Variants in STK17A observed in about 807,000 individuals in gnomAD.
The protein encoded by STK17A is serine/threonine-protein kinase 17A.
Under a neutral mutation model 43.7 loss-of-function variants are expected in STK17A, and 26 were observed. That is an observed-to-expected ratio of 0.60 (90% confidence interval 0.44 to 0.83). The LOEUF (loss-of-function observed/expected upper bound fraction) is 0.83, where lower values mean the gene tolerates loss of function less well. Ranked by LOEUF, STK17A falls within the 40% of genes least tolerant of loss-of-function variation. STK17A has a pLI of 0.00. For synonymous variants in STK17A, 191 were observed against 182.5 expected (o/e 1.05, Z -0.38); for missense variants, 476 against 511.6 (o/e 0.93, Z 0.67).
intron 2 of STK17A, among the ~76,000 whole-genome samples, chr7:43,596,369 A>G (rs2082515809): frequency 6.6e-6 from 1 of 152,262 alleles, no homozygotes; most frequent in South Asian, 2.1e-4. Context: ...CAATTTTATT[A>G]GAGGCATTCT....
intron 2 of STK17A, among the ~76,000 whole-genome samples, chr7:43,598,322 T>G (rs2082533244): frequency 6.6e-6 from 1 of 151,910 alleles, no homozygotes; most frequent in Non-Finnish European, 1.5e-5. Flanking sequence ...TACAAAAAAT[T>G]AGCTGGACAT....
intron 3 of STK17A, among the ~76,000 whole-genome samples, chr7:43,615,457 G>A (rs565422809): frequency 6.6e-5 from 10 of 152,182 alleles, no homozygotes; most frequent in Non-Finnish European, 1.3e-4. Flanking sequence ...AATTACAGAT[G>A]TGAGCCACTG....
At chr7:43,586,178 ATT>A (rs143487738) in intron 1 of STK17A, among the ~76,000 whole-genome samples, 1 of 150,078 alleles carries the variant, frequency 6.7e-6, no homozygotes, top group Admixed American at 6.6e-5. Flanking sequence ...AGAAAAACAG[ATT>A]TTTTTTTTCA....
At chr7:43,590,925 T>C (rs578154383) in intron 1 of STK17A, among the ~76,000 whole-genome samples, 2 of 151,692 alleles carry the variant, frequency 1.3e-5, no homozygotes, top group South Asian at 4.1e-4. Context: ...ATTCTGAGCA[T>C]ATACACTGGG....
At chr7:43,617,210 A>G (rs905308331) in intron 3 of STK17A, among the ~76,000 whole-genome samples, 11 of 152,142 alleles carry the variant, frequency 7.2e-5, no homozygotes, top group Non-Finnish European at 1.3e-4. Flanking sequence ...GGACATGCAC[A>G]CCATGCGAAG....
chr7:43,614,277 C>A (rs1420104280), intron 3 of STK17A, among the ~76,000 whole-genome samples: 1 of 152,160 alleles, frequency 6.6e-6, no homozygotes, highest in Admixed American at 6.5e-5. Context: ...GGACCGTCTG[C>A]AGGTTTTCTG....
At position 43,625,176 on chromosome 7, in the gene STK17A, C is replaced by CTAGTAAA. The variant is rs2084372407; in HGVS notation, c.*334_*335insTAGTAAA. 2 of 201,706 alleles carry CTAGTAAA rather than the reference C, an allele frequency of 9.9e-6. No individual in the cohort carries two copies. The highest frequency in any genetic ancestry group is 2.3e-4 in the South Asian group (2 of 8,826). 12.5% of individuals were successfully genotyped at this position (201,706 alleles called of 1,614,324 possible). A position where few individuals can be genotyped will look rare whatever the true frequency, so the allele number is the denominator to read the frequency against. The stretch of plus-strand genomic sequence containing the variant: ...CTTTAAAAAATCCAAGTAAAAGTGC[C>CTAGTAAA]AAAACTACACTTCTGTAAATCTCTT... On this transcript the variant is annotated 3_prime_UTR_variant, in exon 7 of 7. Coordinates refer to ENST00000319357, the MANE Select transcript of STK17A (RefSeq NM_004760.3).
chr7:43,616,669 G>A lies in STK17A; in HGVS notation c.565-2928G>A, dbSNP rs1410804482. On this transcript the variant is annotated intron_variant, in intron 3 of 6. Coordinates refer to ENST00000319357, the MANE Select transcript of STK17A (RefSeq NM_004760.3). ...TCCCAGCACTTTGGGAGGCTGAGAC[G>A]GGCGGATCACGAGGTCAGGAGATCG... is the stretch of plus-strand genomic sequence containing the variant. Among the ~76,000 whole-genome samples, 37 of 152,104 alleles carry A rather than the reference G, an allele frequency of 2.4e-4. 1 individual carries two copies. The highest frequency in any genetic ancestry group is 2.4e-3 in the Admixed American group (36 of 15,278).
chr7:43,602,022 C>T (rs141766195), intron 2 of STK17A, among the ~76,000 whole-genome samples: 24 of 152,252 alleles, frequency 1.6e-4, no homozygotes, highest in Non-Finnish European at 3.2e-4. Flanking sequence ...ACACACACTC[C>T]CCAAGCATCC....
chr7:43,623,953 A>T, intron 6 of STK17A, 65 bp downstream of exon 6: 1 of 1,190,076 alleles, frequency 8.4e-7, no homozygotes, highest in Non-Finnish European at 1.1e-6. Context: ...AGTATTAAAA[A>T]ACTGACAGTT....
At chr7:43,613,029 A>G in intron 3 of STK17A, among the ~76,000 whole-genome samples, 1 of 152,244 alleles carries the variant, frequency 6.6e-6, no homozygotes, top group East Asian at 1.9e-4. Context: ...TTGGTGAATT[A>G]GTCATTCAGT....
chr7:43,595,694 G>T (rs1424194492), intron 1 of STK17A, among the ~76,000 whole-genome samples: 5 of 152,156 alleles, frequency 3.3e-5, no homozygotes, highest in African/African-American at 9.7e-5. Flanking sequence ...AAAATGAATT[G>T]TGCAGGTTTA....
In STK17A at chr7:43,625,383, C is replaced by CTA. The variant is rs376645116; in HGVS notation, c.*542_*543insAT. On this transcript the variant is annotated 3_prime_UTR_variant, in exon 7 of 7. Coordinates refer to ENST00000319357, the MANE Select transcript of STK17A (RefSeq NM_004760.3). ...GTCTTTTTTAAATATTTTCTTACTG[C>CTA]TTTATAGTGACTTGATTTGGTTTCT... The CTA allele has an allele frequency of 2.6e-5, 4 of 152,342 alleles. No individual in the cohort carries two copies. The highest frequency in any genetic ancestry group is 5.9e-5 in the Non-Finnish European group (4 of 68,080). The allele number at this position is 152,342 out of a possible 1,614,324, so 9.4% of individuals were successfully genotyped here.
intron 4 of STK17A, 57 bp from the exon 5 acceptor site, chr7:43,623,515 G>T (rs2084142747): frequency 1.3e-6 from 2 of 1,493,244 alleles, no homozygotes; most frequent in Non-Finnish European, 1.8e-6. Context: ...ATCTCTTAGA[G>T]CAAATTAGGA....
rs149567808 is a variant in STK17A, at chr7:43,598,198, C to T, written c.419+2085C>T. The stretch of plus-strand genomic sequence containing the variant: ...TATAAAAGAAATGGTCGGCCAGGCA[C>T]GGTGGCTCACACCTGTAATCCCAGC... On this transcript the variant is annotated intron_variant, in intron 2 of 6. Coordinates refer to ENST00000319357, the MANE Select transcript of STK17A (RefSeq NM_004760.3). 4.1e-3 allele frequency among the ~76,000 whole-genome samples: 625 copies of T among 152,076 alleles called. 3 individuals carry two copies. The highest frequency in any genetic ancestry group is 7.7e-3 in the Admixed American group (117 of 15,278).
intron 1 of STK17A, among the ~76,000 whole-genome samples, chr7:43,584,378 C>T (rs987420758): frequency 6.6e-6 from 1 of 152,210 alleles, no homozygotes. Context: ...TCACTTTCCT[C>T]ATCCGTAAAA....
intron 1 of STK17A, among the ~76,000 whole-genome samples, chr7:43,588,591 A>G (rs942670028): frequency 6.6e-6 from 1 of 151,512 alleles, no homozygotes; most frequent in African/African-American, 2.4e-5. Flanking sequence ...CTGTAATCCC[A>G]GCACTTTAGG....
At position 43,625,338 on chromosome 7, in the gene STK17A, A is replaced by G. The variant is rs1448601267; in HGVS notation, c.*496A>G. The G allele has an allele frequency of 1.3e-5, 2 of 152,536 alleles. No individual in the cohort carries two copies. The highest frequency in any genetic ancestry group is 3.8e-4 in the East Asian group (2 of 5,214). 9.4% of individuals were successfully genotyped at this position (152,536 alleles called of 1,614,324 possible). ...CTAAATTTTCGAGACTTAGAATAAC[A>G]TTCACTAAAGTTTGATAATGTCTTT... On this transcript the variant is annotated 3_prime_UTR_variant, in exon 7 of 7. Coordinates refer to ENST00000319357, the MANE Select transcript of STK17A (RefSeq NM_004760.3).
intron 2 of STK17A, 88 bp from the exon 3 acceptor site, chr7:43,608,168 G>A: frequency 1.5e-6 from 2 of 1,297,070 alleles, no homozygotes; most frequent in Non-Finnish European, 2.1e-6. Context: ...GTTACTGCCA[G>A]ACTGTAATTA....
Sources: allele counts gnomAD v4.1 joint callset (sites outside exome capture counted in the v4.1 genomes callset), GRCh38; gene constraint gnomAD v4.1.1; transcripts MANE v1.5; gene names NCBI Gene and HGNC (gene_info 2026-07-23, HGNC 2026-07-21).